NDUFAF1: variants seen among roughly 807,000 people sequenced by gnomAD.
The protein encoded by NDUFAF1 is complex I intermediate-associated protein 30, mitochondrial.
A neutral mutation model predicts 28.7 loss-of-function variants in NDUFAF1; 18 were observed. The ratio of observed to expected loss-of-function variants is 0.63; its 90% CI spans 0.43 to 0.93. The LOEUF is 0.93. NDUFAF1 is among the 40% of genes least tolerant of loss of function. NDUFAF1 has a pLI of 0.00. For synonymous variants in NDUFAF1, 113 were observed against 139.7 expected, an observed-to-expected ratio of 0.81 and a Z score of 1.35; for missense variants, 404 against 398.3, an observed-to-expected ratio of 1.01 and a Z score of -0.12.
chr15:41,387,811 T>A (rs1375235712), intron 4 of NDUFAF1, among the ~76,000 whole-genome samples: 1 of 152,158 alleles, frequency 6.6e-6, no homozygotes, highest in Non-Finnish European at 1.5e-5. Context: ...CATTAGGTAG[T>A]GCCACTTAAG....
chr15:41,402,330 G>C lies in NDUFAF1; in HGVS notation c.-268C>G, dbSNP rs995928706. On this transcript the variant is annotated 5_prime_UTR_variant, in exon 1 of 5. Coordinates refer to ENST00000260361, the MANE Select transcript of NDUFAF1 (RefSeq NM_016013.4). The stretch of plus-strand genomic sequence containing the variant: ...GTATACCTCCCGCACTCACGGCCTG[G>C]CCTCCGGAGGCTAGACGGTTCGCCG... 29 of 454,096 alleles carry C rather than the reference G, an allele frequency of 6.4e-5. No individual in the cohort carries two copies. The highest frequency in any genetic ancestry group is 5.8e-4 in the African/African-American group (29 of 50,130). 28.1% of individuals were successfully genotyped at this position (454,096 alleles called of 1,614,324 possible). A position where few individuals can be genotyped will look rare whatever the true frequency, so the allele number is the denominator to read the frequency against.
intron 2 of NDUFAF1, 48 bp downstream of exon 2, chr15:41,396,436 TGAA>T: frequency 6.5e-7 from 1 of 1,539,074 alleles, no homozygotes; most frequent in Non-Finnish European, 9.0e-7. Context: ...TATGCTACAA[TGAA>T]GTTCACCCCT....
chr15:41,393,813 T>C (rs1595404717), intron 3 of NDUFAF1, among the ~76,000 whole-genome samples: 1 of 148,116 alleles, frequency 6.8e-6, no homozygotes, highest in Non-Finnish European at 1.5e-5. Flanking sequence ...CCTCGTGATC[T>C]GCCCACCTCG....
intron 2 of NDUFAF1, among the ~76,000 whole-genome samples, chr15:41,396,129 T>G (rs2050383805): frequency 1.3e-5 from 2 of 151,612 alleles, no homozygotes. Context: ...CTACATCCAC[T>G]CTACAAAACC....
chr15:41,395,518 C>T (rs529840108), intron 2 of NDUFAF1, among the ~76,000 whole-genome samples: 84 of 151,178 alleles, frequency 5.6e-4, no homozygotes, highest in African/African-American at 2.0e-3. Context: ...TATAGGCGCC[C>T]AAAACCACAC....
intron 4 of NDUFAF1, 49 bp downstream of exon 4, chr15:41,388,399 T>G: frequency 7.1e-7 from 1 of 1,405,334 alleles, no homozygotes; most frequent in South Asian, 1.2e-5. Flanking sequence ...AGAGTTCCGA[T>G]TCATTAAAAA....
chr15:41,395,340 A>T (rs1313094776), intron 2 of NDUFAF1, among the ~76,000 whole-genome samples: 1 of 151,790 alleles, frequency 6.6e-6, no homozygotes, highest in Non-Finnish European at 1.5e-5. Flanking sequence ...GGTCGTATGG[A>T]GCAATGACTT....
Position 41,402,450 on chromosome 15 carries a change from C to G in NDUFAF1, c.-388G>C. ...CCGCCGGCCTGCCGCCGCTTACCTC[C>G]CCGAGCCTATAGTGTACCTTCCGCC... On this transcript the variant is annotated 5_prime_UTR_variant, in exon 1 of 5. Coordinates refer to ENST00000260361, the MANE Select transcript of NDUFAF1 (RefSeq NM_016013.4). The G allele has an allele frequency of 2.3e-6, 1 of 430,454 alleles. No individual in the cohort carries two copies. Among genetic ancestry groups the G allele is most frequent in the Non-Finnish European group, 4.7e-6 (1 of 212,000 alleles). 26.7% of individuals were successfully genotyped at this position (430,454 alleles called of 1,614,324 possible).
chr15:41,394,994 C>G lies in NDUFAF1; in HGVS notation c.624G>C (p.Leu208=). ...GACCATCCCCACGTACACGGAGATA[C>G]AGAGTATTGAACTGGGACCAATCGT... ...MSYDWSQFNT[L]YLRVRGDGRP... Residue 208 remains leucine (L), a synonymous_variant, in exon 3 of 5, where the codon CTG becomes CTC. Transcript: ENST00000260361. The G allele has an allele frequency of 3.1e-6, 5 of 1,614,102 alleles. No individual in the cohort carries two copies. Among genetic ancestry groups the G allele is most frequent in the Middle Eastern group, 1.6e-4 (1 of 6,062 alleles).
chr15:41,396,338 A>G (rs1472805446), intron 2 of NDUFAF1, 149 bp downstream of exon 2: 3 of 739,442 alleles, frequency 4.1e-6, no homozygotes, highest in Non-Finnish European at 6.6e-6. Flanking sequence ...TTGTGCCAAT[A>G]GTTACTTATC....
intron 1 of NDUFAF1, among the ~76,000 whole-genome samples, chr15:41,397,525 C>T (rs1415759059): frequency 1.3e-5 from 2 of 151,930 alleles, no homozygotes; most frequent in African/African-American, 4.8e-5. Flanking sequence ...CTGGGCCGGG[C>T]GCGGTGGCTG....
chr15:41,395,132 A>G, intron 2 of NDUFAF1, 88 bp from the exon 3 acceptor site: 1 of 1,230,344 alleles, frequency 8.1e-7, no homozygotes, highest in Non-Finnish European at 1.2e-6. Context: ...CATCAACAGG[A>G]TGCACTAACC....
chr15:41,391,213 CAT>C lies in NDUFAF1; in HGVS notation c.760-2693_760-2692del, dbSNP rs574821092. 2.5e-3 allele frequency among the ~76,000 whole-genome samples: 381 copies of C among 151,584 alleles called. 2 individuals carry two copies. The highest frequency in any genetic ancestry group is 6.4e-3 in the South Asian group (31 of 4,812). The stretch of plus-strand genomic sequence containing the variant: ...TTTGTGTTATATATCTGTATTACTA[CAT>C]ATATATGTATGTATTGAGTGCTTAT... On this transcript the variant is annotated intron_variant, in intron 3 of 4. Transcript: ENST00000260361.
rs199599633 is a variant in NDUFAF1 at position 41,387,503 on chromosome 15, G to C, written c.925C>G (p.His309Asp). ...TTTTCATAGGCAAATTCTTCTGTAT[G>C]AGCTGGATCAGTAAACACGCCAATA... ...DFIGVFTDPAHTEEFAYENSP... is the reference protein window; with the variant it reads ...DFIGVFTDPADTEEFAYENSP... Residue 309 changes from histidine (H) to aspartate (D), a missense_variant, in exon 5 of 5, where the codon CAT becomes GAT. His to Asp is a moderately conservative substitution (Grantham distance 81, BLOSUM62 -1). Transcript: ENST00000260361. 1,425 of 1,613,566 alleles carry C rather than the reference G, an allele frequency of 8.8e-4. 14 individuals carry two copies. Among genetic ancestry groups the C allele is most frequent in the Non-Finnish European group, 2.5e-4 (300 of 1,179,520 alleles).
chr15:41,395,123 A>G, intron 2 of NDUFAF1, 79 bp from the exon 3 acceptor site: 1 of 1,298,874 alleles, frequency 7.7e-7, no homozygotes, highest in Non-Finnish European at 1.1e-6. Flanking sequence ...AGTCAGCATC[A>G]TCAACAGGAT....
chr15:41,387,507 T>C lies in NDUFAF1; in HGVS notation c.921A>G (p.Pro307=), dbSNP rs775450118. The change falls in exon 5 of 5, where the codon CCA becomes CCG. Residue 307 remains proline, a synonymous_variant. Transcript: ENST00000260361. ...EIDFIGVFTD[P]AHTEEFAYEN... is the part of the protein sequence containing the mutation. ...CATAGGCAAATTCTTCTGTATGAGC[T>C]GGATCAGTAAACACGCCAATAAAAT... 3 of 1,613,502 alleles carry C rather than the reference T, an allele frequency of 1.9e-6. No individual in the cohort carries two copies. Among genetic ancestry groups the C allele is most frequent in the Non-Finnish European group, 2.5e-6 (3 of 1,179,534 alleles).
Position 41,387,584 on chromosome 15 carries a change from TAGAAG to T in NDUFAF1, c.839_843del (p.Ser280TyrfsTer7). The T allele has an allele frequency of 5.0e-6, 8 of 1,607,498 alleles. No homozygotes were observed. Among genetic ancestry groups the T allele is most frequent in the Non-Finnish European group, 6.8e-6 (8 of 1,174,038 alleles). On this transcript the variant is annotated frameshift_variant, in exon 5 of 5. Transcript: ENST00000260361. LOFTEE classifies it high-confidence loss of function. ...ACTTTATCAGCCAAGGTGAATCCTA[TAGAAG>T]AGATCTAAATTTAAAATACAGAAAT...
At chr15:41,389,547 G>C (rs1169825443) in intron 3 of NDUFAF1, among the ~76,000 whole-genome samples, 1 of 151,994 alleles carries the variant, frequency 6.6e-6, no homozygotes, top group Admixed American at 6.6e-5. Flanking sequence ...AACACAATAG[G>C]ATCAACTGAG....
chr15:41,400,296 G>A (rs2050444528), intron 1 of NDUFAF1, among the ~76,000 whole-genome samples: 1 of 150,432 alleles, frequency 6.6e-6, no homozygotes. Flanking sequence ...GCTTGAACAG[G>A]AGGTGGAGGT....
Sources: allele counts gnomAD v4.1 joint callset (sites outside exome capture counted in the v4.1 genomes callset), GRCh38; gene constraint gnomAD v4.1.1; transcripts MANE v1.5; gene names NCBI Gene and HGNC (gene_info 2026-07-23, HGNC 2026-07-21).